The following DLG2 variants were observed in gnomAD, a reference collection of about 807,000 sequenced individuals.
DLG2 encodes discs large MAGUK scaffold protein 2.
In DLG2, 45 loss-of-function variants were observed where a neutral mutation model predicts 132.5. That is an observed-to-expected ratio of 0.34 (90% CI 0.27 to 0.44). DLG2 has a LOEUF of 0.44. DLG2 is among the 20% of genes least tolerant of loss of function. The pLI, the probability that DLG2 is intolerant of heterozygous loss-of-function variation, is 1.00. For missense variants in DLG2, 1,045 were observed against 1,196.9 expected (o/e 0.87, Z 1.87); for synonymous variants, 424 against 419.6 (o/e 1.01, Z -0.13).
At chr11:84,905,194 A>C (rs7931437) in intron 6 of DLG2, among the ~76,000 whole-genome samples, 1 of 151,950 alleles carries the variant, frequency 6.6e-6, no homozygotes, top group Non-Finnish European at 1.5e-5. Flanking sequence ...AAATTCAGGC[A>C]TGACCTGAAT....
intron 6 of DLG2, among the ~76,000 whole-genome samples, chr11:85,087,020 G>T (rs1340140171): frequency 6.6e-6 from 1 of 152,098 alleles, no homozygotes; most frequent in Non-Finnish European, 1.5e-5. Flanking sequence ...AGGTCAAGCT[G>T]TCTCATTCCT....
intron 6 of DLG2, among the ~76,000 whole-genome samples, chr11:84,608,846 C>G (rs1480092898): frequency 6.6e-6 from 1 of 152,160 alleles, no homozygotes; most frequent in Admixed American, 6.6e-5. Flanking sequence ...GTTTCAAGTG[C>G]TATGTAAATG....
chr11:85,143,035 C>T (rs530782876), intron 5 of DLG2, among the ~76,000 whole-genome samples: 6 of 151,604 alleles, frequency 4.0e-5, no homozygotes, highest in South Asian at 2.1e-4. Flanking sequence ...TGTCTTTCTC[C>T]GGTTTTGGCA....
chr11:84,337,291 C>G (rs1402424969), intron 7 of DLG2, among the ~76,000 whole-genome samples: 1 of 152,040 alleles, frequency 6.6e-6, no homozygotes, highest in Non-Finnish European at 1.5e-5. Flanking sequence ...TGGTTCAACC[C>G]CAGAGCAGAG....
intron 14 of DLG2, among the ~76,000 whole-genome samples, chr11:83,944,611 A>G (rs895627064): frequency 6.6e-6 from 1 of 152,222 alleles, no homozygotes; most frequent in Admixed American, 6.5e-5. Flanking sequence ...TTTTTTAGAA[A>G]GACTAGCAAT....
chr11:85,312,409 G>T (rs1363149481), intron 3 of DLG2, among the ~76,000 whole-genome samples: 1 of 150,002 alleles, frequency 6.7e-6, no homozygotes, highest in Non-Finnish European at 1.5e-5. Context: ...TTATAATTTT[G>T]TAATTATGAG....
At chr11:84,442,662 G>T (rs1264583663) in intron 7 of DLG2, among the ~76,000 whole-genome samples, 1 of 151,162 alleles carries the variant, frequency 6.6e-6, no homozygotes, top group African/African-American at 2.4e-5. Flanking sequence ...TAACAAACTT[G>T]CACATTCTGC....
intron 6 of DLG2, among the ~76,000 whole-genome samples, chr11:85,083,364 T>G (rs2067490746): frequency 6.6e-6 from 1 of 152,150 alleles, no homozygotes; most frequent in Non-Finnish European, 1.5e-5. Flanking sequence ...CAGGGCCTCC[T>G]CCATGCAGTG....
intron 6 of DLG2, among the ~76,000 whole-genome samples, chr11:84,870,180 C>G (rs1024215052): frequency 6.6e-6 from 1 of 152,148 alleles, no homozygotes; most frequent in African/African-American, 2.4e-5. Context: ...GTGTCATTAG[C>G]ATCATTTTAT....
chr11:83,657,376 G>A (rs777305000), intron 18 of DLG2, among the ~76,000 whole-genome samples: 3 of 152,068 alleles, frequency 2.0e-5, no homozygotes, highest in Non-Finnish European at 4.4e-5. Context: ...AGAGACTTTG[G>A]TTCTAATCCC....
rs567215454 is a variant in DLG2, at chr11:83,526,960, G to T, written c.2193+5748C>A. Among the ~76,000 whole-genome samples the T allele has an allele frequency of 2.3e-4, 35 of 152,250 alleles. 2 individuals carry two copies. The South Asian group carries it at 6.8e-3, about 30-fold the overall frequency. Reference sequence around the variant, plus strand: ...AGAAGACCTGCTCCGTCAGGAAAGTGACCATGATTTATTTGTCTTTACACC... The same window carrying T: ...AGAAGACCTGCTCCGTCAGGAAAGTTACCATGATTTATTTGTCTTTACACC... On this transcript the variant is annotated intron_variant, in intron 21 of 27. Coordinates refer to ENST00000376104, the MANE Select transcript of DLG2 (RefSeq NM_001142699.3).
intron 18 of DLG2, chr11:83,643,786 G>C (rs953583174): frequency 1.3e-5 from 2 of 151,938 alleles, no homozygotes; most frequent in African/African-American, 2.4e-5. Context: ...ATTTATCCAA[G>C]GCCACGCAGC....
chr11:85,575,539 CAA>C (rs771079911), intron 3 of DLG2, among the ~76,000 whole-genome samples: 42 of 89,646 alleles, frequency 4.7e-4, no homozygotes, highest in Admixed American at 1.4e-3. Flanking sequence ...GATCCTATCT[CAA>C]AAAAAAAAAA....
intron 17 of DLG2, among the ~76,000 whole-genome samples, chr11:83,793,013 T>C (rs112838957): frequency 0.019 from 2,827 of 152,292 alleles, 96 homozygotes; most frequent in African/African-American, 0.065. Context: ...TTAAATTTTG[T>C]GTTTCTTCAA....
intron 5 of DLG2, among the ~76,000 whole-genome samples, chr11:85,114,989 T>C (rs2073358711): frequency 6.6e-6 from 1 of 151,954 alleles, no homozygotes; most frequent in African/African-American, 2.4e-5. Flanking sequence ...AAATGTTTCA[T>C]TAAAATAGCA....
At chr11:84,169,637 C>T (rs1266920678) in intron 8 of DLG2, among the ~76,000 whole-genome samples, 1 of 152,074 alleles carries the variant, frequency 6.6e-6, no homozygotes, top group African/African-American at 2.4e-5. Context: ...CTTTGGGAGG[C>T]TGAGGCAGGT....
At chr11:84,637,135 TG>T (rs1594508235) in intron 6 of DLG2, among the ~76,000 whole-genome samples, 1 of 152,040 alleles carries the variant, frequency 6.6e-6, no homozygotes, top group Non-Finnish European at 1.5e-5. Flanking sequence ...ATGTGAAGTG[TG>T]GTAAGTGTCC....
intron 6 of DLG2, among the ~76,000 whole-genome samples, chr11:84,631,884 T>C (rs2099632772): frequency 6.6e-6 from 1 of 152,196 alleles, no homozygotes; most frequent in South Asian, 2.1e-4. Context: ...GTTGTTTAAC[T>C]TCTCTGGCAT....
intron 6 of DLG2, among the ~76,000 whole-genome samples, chr11:84,735,073 C>A (rs1481969134): frequency 1.3e-5 from 2 of 152,128 alleles, no homozygotes; most frequent in Non-Finnish European, 2.9e-5. Context: ...CATCAATGTT[C>A]ATCAGGGATA....
Sources: allele counts gnomAD v4.1 joint callset (sites outside exome capture counted in the v4.1 genomes callset), GRCh38; gene constraint gnomAD v4.1.1; transcripts MANE v1.5; gene names NCBI Gene and HGNC (gene_info 2026-07-23, HGNC 2026-07-21).